CCDC83: variants seen among roughly 807,000 people sequenced by gnomAD.
CCDC83 encodes coiled-coil domain-containing protein 83.
Under a neutral mutation model 50.1 loss-of-function variants are expected in CCDC83, and 54 were observed. That is an observed-to-expected ratio of 1.08 (90% CI 0.87 to 1.35). The LOEUF is 1.35. CCDC83 is among the 40% of genes most tolerant of loss of function. CCDC83 has a pLI of 0.00. For synonymous variants in CCDC83, 161 were observed against 153.3 expected (o/e 1.05, Z -0.37); for missense variants, 518 against 473.9 (o/e 1.09, Z -0.86).
At chr11:85,855,189 G>C (rs548846310), upstream of CCDC83, 10 of 152,500 alleles carry the variant, frequency 6.6e-5, no homozygotes, top group East Asian at 1.9e-3. Context: ...CCAGGGCCGG[G>C]TATCCGCCCC....
At chr11:85,917,733 C>T (rs1296990129) in intron 10 of CCDC83, among the ~76,000 whole-genome samples, 1 of 152,132 alleles carries the variant, frequency 6.6e-6, no homozygotes, top group Non-Finnish European at 1.5e-5. Flanking sequence ...CAATTCAATC[C>T]TGCTGCCATC....
chr11:85,872,569 ACCATG>A (rs1592144888), intron 2 of CCDC83, among the ~76,000 whole-genome samples: 1 of 152,180 alleles, frequency 6.6e-6, no homozygotes, highest in African/African-American at 2.4e-5. Flanking sequence ...GGTGTGAGCC[ACCATG>A]CCTGGCACAT....
chr11:85,898,958 G>C lies in CCDC83; in HGVS notation c.615G>C (p.Lys205Asn), dbSNP rs759445603. 1 of 1,611,614 alleles carries C rather than the reference G, an allele frequency of 6.2e-7. No individual in the cohort carries two copies. Among genetic ancestry groups the C allele is most frequent in the Non-Finnish European group, 8.5e-7 (1 of 1,178,402 alleles). Residue 205 changes from lysine to asparagine, a missense_variant, in exon 7 of 11, where the codon AAG (lysine) becomes AAC (asparagine). Physicochemically the swap from Lys to Asn is moderately conservative, Grantham distance 94. Transcript: ENST00000342404. ...KKEWATQNAVKLIDKGSYLEI... is the reference protein window; with the variant it reads ...KKEWATQNAVNLIDKGSYLEI... Reference sequence around the variant, plus strand: ...AAACTTTCTTTTAGAATGCTGTAAAGCTCATTGACAAGGGCAGTTATCTAG... The same window carrying C: ...AAACTTTCTTTTAGAATGCTGTAAACCTCATTGACAAGGGCAGTTATCTAG...
At chr11:85,858,858 G>A (rs143886362) in intron 1 of CCDC83, among the ~76,000 whole-genome samples, 7 of 152,280 alleles carry the variant, frequency 4.6e-5, no homozygotes, top group African/African-American at 1.7e-4. Flanking sequence ...TTTCCTGAGA[G>A]CCTGACTTAG....
chr11:85,909,609 CTTTTTTTTTTT>C lies in CCDC83; in HGVS notation c.673-1651_673-1641del, dbSNP rs71468972. Among the ~76,000 whole-genome samples the C allele has an allele frequency of 1.4e-3, 82 of 57,720 alleles. 1 individual carries two copies. Among genetic ancestry groups the C allele is most frequent in the African/African-American group, 4.8e-3 (67 of 13,838 alleles). 37.9% of individuals were successfully genotyped at this position (57,720 alleles called of 152,430 possible). ...TTTGGACAAAAGTCATCAAAATACACTTTTTTTTTTTTTTTTTTTTTTTTTTTTTTTGAGAC... is the reference window on the plus strand; with the variant it reads ...TTTGGACAAAAGTCATCAAAATACACTTTTTTTTTTTTTTTTTTTTGAGAC... On this transcript the variant is annotated intron_variant, in intron 7 of 10. Coordinates refer to ENST00000342404, the MANE Select transcript of CCDC83 (RefSeq NM_001286159.2).
At position 85,882,647 on chromosome 11, in the gene CCDC83, T is replaced by G; in HGVS notation, c.315T>G (p.Phe105Leu). ...VEEAMKEKWK[F>L]ERDQEKNLRD... ...AAGCGATGAAGGAAAAATGGAAGTT[T>G]GAAAGAGACCAGGAAAAAAACTTGA... Residue 105 changes from phenylalanine to leucine, a missense_variant, in exon 4 of 11, where the codon TTT becomes TTG. Phe to Leu is a conservative substitution (Grantham distance 22, BLOSUM62 0). Transcript: ENST00000342404. The G allele has an allele frequency of 6.2e-7, 1 of 1,613,850 alleles. No homozygotes were observed. Among genetic ancestry groups the G allele is most frequent in the Non-Finnish European group, 8.5e-7 (1 of 1,179,896 alleles).
chr11:85,873,099 C>A, intron 2 of CCDC83, 112 bp from the exon 3 acceptor site: 1 of 471,990 alleles, frequency 2.1e-6, no homozygotes. Context: ...GGTTTTTATC[C>A]CTAAATGTGT....
chr11:85,855,798 A>G (rs1205833509), intron 1 of CCDC83, among the ~76,000 whole-genome samples: 1 of 152,174 alleles, frequency 6.6e-6, no homozygotes. Flanking sequence ...TCTGTGCAGG[A>G]GCTGGGACTA....
At position 85,911,388 on chromosome 11, in the gene CCDC83, T is replaced by G. The variant is rs753335846; in HGVS notation, c.780T>G (p.Asp260Glu). 3.6e-5 allele frequency: 57 copies of G among 1,603,780 alleles called. No homozygotes were observed. In the Middle Eastern group the frequency reaches 6.6e-4, roughly 19 times the overall value. ...IDQLSNCRLV[D>E]LKIPRRLYLT... ...AACTATCCAACTGTAGACTTGTGGA[T>G]CTCAAGATACCCAGGTGAAAATTGT... Residue 260 changes from aspartate to glutamate, a missense_variant, in exon 8 of 11, where the codon GAT (aspartate) becomes GAG (glutamate). By Grantham distance (45) the Asp-to-Glu change is conservative. Transcript: ENST00000342404.
chr11:85,903,859 T>C (rs1236523231), intron 7 of CCDC83, among the ~76,000 whole-genome samples: 2 of 152,076 alleles, frequency 1.3e-5, no homozygotes, highest in African/African-American at 4.8e-5. Flanking sequence ...CCCTGCTACT[T>C]GGGAGGATGA....
At chr11:85,867,687 T>TA (rs1355737689) in intron 2 of CCDC83, among the ~76,000 whole-genome samples, 1 of 152,246 alleles carries the variant, frequency 6.6e-6, no homozygotes, top group Non-Finnish European at 1.5e-5. Context: ...TCCCATGGTG[T>TA]AACTGGTGAC....
At chr11:85,900,836 G>C (rs975416437) in intron 7 of CCDC83, among the ~76,000 whole-genome samples, 2 of 151,942 alleles carry the variant, frequency 1.3e-5, no homozygotes, top group Admixed American at 1.3e-4. Context: ...AGGCTGAGGA[G>C]GGCAGATCGC....
rs545216483 is a variant in CCDC83 at position 85,880,355 on chromosome 11, C to T, written c.181-2158C>T. On this transcript the variant is annotated intron_variant, in intron 3 of 10. Transcript: ENST00000342404. ...AGCCTTGAGTGCAGTGGCACAATTA[C>T]GGCTCACTGCAGCCTCAACCTTCTG... is the stretch of plus-strand genomic sequence containing the variant. 4.4e-3 allele frequency among the ~76,000 whole-genome samples: 663 copies of T among 152,196 alleles called. 4 individuals carry two copies. Among genetic ancestry groups the T allele is most frequent in the African/African-American group, 0.015 (634 of 41,542 alleles).
At chr11:85,880,585 AT>A (rs60894727) in intron 3 of CCDC83, among the ~76,000 whole-genome samples, 4 of 150,118 alleles carry the variant, frequency 2.7e-5, no homozygotes, top group Admixed American at 6.6e-5. Flanking sequence ...CCAGATCTTG[AT>A]TTTTTTTTTA....
intron 2 of CCDC83, among the ~76,000 whole-genome samples, chr11:85,870,341 C>A (rs531031445): frequency 6.2e-4 from 95 of 152,326 alleles, no homozygotes; most frequent in African/African-American, 2.2e-3. Flanking sequence ...ATGAAGACCA[C>A]ATCTTGAGAT....
intron 3 of CCDC83, among the ~76,000 whole-genome samples, chr11:85,879,335 C>T (rs1264365873): frequency 6.7e-6 from 1 of 149,466 alleles, no homozygotes; most frequent in Non-Finnish European, 1.5e-5. Flanking sequence ...CAAGATTCTT[C>T]TTTTTTTTTT....
chr11:85,902,900 C>T (rs1367646839), intron 7 of CCDC83, among the ~76,000 whole-genome samples: 2 of 152,034 alleles, frequency 1.3e-5, no homozygotes, highest in Non-Finnish European at 2.9e-5. Context: ...GTTTTGCATC[C>T]CAGGAATACT....
chr11:85,859,810 A>G (rs1267701308), intron 1 of CCDC83, among the ~76,000 whole-genome samples: 1 of 152,200 alleles, frequency 6.6e-6, no homozygotes, highest in Non-Finnish European at 1.5e-5. Context: ...CAACAACAAA[A>G]AATAGACAAG....
chr11:85,864,459 T>C (rs550938384), intron 1 of CCDC83, among the ~76,000 whole-genome samples: 4 of 152,344 alleles, frequency 2.6e-5, no homozygotes, highest in African/African-American at 9.6e-5. Context: ...ATTTTCCCTT[T>C]TAAAAGGTGT....
Sources: gnomAD v4.1 joint callset for allele counts (sites outside exome capture counted in the v4.1 genomes callset) on GRCh38, gnomAD v4.1.1 for gene constraint, MANE v1.5 for transcripts, NCBI Gene and HGNC (gene_info 2026-07-23, HGNC 2026-07-21) for gene names.